The following NSMCE2 variants were observed in gnomAD, a reference collection of about 807,000 sequenced individuals.
The protein encoded by NSMCE2 is NSE2 SUMO ligase component of SMC5/6 complex, also known as E3 SUMO-protein ligase NSE2.
A neutral mutation model predicts 23.8 loss-of-function variants in NSMCE2; 24 were observed. The observed-to-expected ratio is 1.01, with a 90% CI of 0.73 to 1.42. The LOEUF is 1.42. Among genes scored for constraint, NSMCE2 ranks in the 40% most tolerant of loss-of-function variants. The pLI is 0.00. For missense variants in NSMCE2, 284 were observed against 296.5 expected (o/e 0.96, Z 0.31); for synonymous variants, 92 against 94.1 (o/e 0.98, Z 0.13).
At chr8:125,144,551 A>G (rs578202785) in intron 3 of NSMCE2, among the ~76,000 whole-genome samples, 2 of 152,330 alleles carry the variant, frequency 1.3e-5, no homozygotes, top group East Asian at 3.9e-4. Context: ...CCGTATTGCT[A>G]CAGGCTTACT....
At chr8:125,092,716 C>G (rs1320291070) in intron 1 of NSMCE2, among the ~76,000 whole-genome samples, 2 of 152,212 alleles carry the variant, frequency 1.3e-5, no homozygotes, top group Admixed American at 6.5e-5. Flanking sequence ...CTATAAATAA[C>G]ATGCAGAGAA....
chr8:125,277,972 A>G (rs1380029982), intron 5 of NSMCE2, among the ~76,000 whole-genome samples: 1 of 152,160 alleles, frequency 6.6e-6, no homozygotes, highest in Non-Finnish European at 1.5e-5. Context: ...ATTGGGTATA[A>G]ATACAACTTT....
At chr8:125,215,870 C>G (rs1824558853) in intron 5 of NSMCE2, among the ~76,000 whole-genome samples, 1 of 152,128 alleles carries the variant, frequency 6.6e-6, no homozygotes, top group Non-Finnish European at 1.5e-5. Context: ...ATCACTTGAA[C>G]CCAGGAGTTC....
At chr8:125,228,796 G>C (rs899254938) in intron 5 of NSMCE2, among the ~76,000 whole-genome samples, 1 of 152,140 alleles carries the variant, frequency 6.6e-6, no homozygotes, top group African/African-American at 2.4e-5. Context: ...TCTGTGCTAA[G>C]CTCCTTCTCA....
At chr8:125,103,554 C>G (rs1818306773) in intron 3 of NSMCE2, among the ~76,000 whole-genome samples, 1 of 152,050 alleles carries the variant, frequency 6.6e-6, no homozygotes, top group South Asian at 2.1e-4. Flanking sequence ...ACTATTTCTT[C>G]AAATATATTT....
intron 5 of NSMCE2, among the ~76,000 whole-genome samples, chr8:125,251,845 A>G (rs1826209354): frequency 6.6e-6 from 1 of 152,222 alleles, no homozygotes; most frequent in African/African-American, 2.4e-5. Context: ...ATTTGAACCT[A>G]GACCTGTAAT....
intron 3 of NSMCE2, among the ~76,000 whole-genome samples, chr8:125,103,033 C>G (rs191218559): frequency 6.6e-6 from 1 of 152,020 alleles, no homozygotes; most frequent in Non-Finnish European, 1.5e-5. Flanking sequence ...TTTGGGAGGC[C>G]GAGGCCGGCA....
intron 5 of NSMCE2, among the ~76,000 whole-genome samples, chr8:125,256,248 A>C (rs1826403994): frequency 6.7e-6 from 1 of 149,310 alleles, no homozygotes. Flanking sequence ...GCACCACTGC[A>C]CTCCAGCTTG....
intron 5 of NSMCE2, among the ~76,000 whole-genome samples, chr8:125,226,152 G>A (rs939895608): frequency 1.3e-5 from 2 of 152,168 alleles, no homozygotes; most frequent in Admixed American, 6.5e-5. Context: ...ATATTAAACT[G>A]ACATTGGGCA....
At chr8:125,313,240 G>GAAAGAAAGA (rs1248437171) in intron 5 of NSMCE2, among the ~76,000 whole-genome samples, 2 of 149,726 alleles carry the variant, frequency 1.3e-5, no homozygotes, top group Non-Finnish European at 3.0e-5. Context: ...AAGAAAGAAA[G>GAAAGAAAGA]AAAGAAAAGA....
intron 3 of NSMCE2, among the ~76,000 whole-genome samples, chr8:125,111,965 AGTTGAGTCG>A (rs1478970545): frequency 1.3e-5 from 2 of 152,180 alleles, no homozygotes; most frequent in Non-Finnish European, 2.9e-5. Context: ...TTAGGAGTCT[AGTTGAGTCG>A]GGGAGATTTC....
intron 5 of NSMCE2, among the ~76,000 whole-genome samples, chr8:125,225,569 A>G (rs1450741605): frequency 2.0e-5 from 3 of 152,202 alleles, no homozygotes; most frequent in Non-Finnish European, 4.4e-5. Flanking sequence ...TCAAAGTCTA[A>G]GGGTACAGTG....
chr8:125,309,210 T>A (rs922350031), intron 5 of NSMCE2, among the ~76,000 whole-genome samples: 58 of 140,376 alleles, frequency 4.1e-4, no homozygotes, highest in Non-Finnish European at 8.1e-4. Flanking sequence ...ATCACGCCAT[T>A]CAACTCCAGC....
At chr8:125,269,432 G>A (rs1049938715) in intron 5 of NSMCE2, among the ~76,000 whole-genome samples, 1 of 152,078 alleles carries the variant, frequency 6.6e-6, no homozygotes, top group Non-Finnish European at 1.5e-5. Flanking sequence ...TGGCTGATTT[G>A]GTCTTTGAAA....
chr8:125,346,240 T>G (rs1180389432), intron 5 of NSMCE2, among the ~76,000 whole-genome samples: 2 of 152,038 alleles, frequency 1.3e-5, no homozygotes, highest in Non-Finnish European at 2.9e-5. Flanking sequence ...GGCAGAGAGC[T>G]GAATAAAGAA....
At chr8:125,197,540 C>T (rs1198090423) in intron 5 of NSMCE2, among the ~76,000 whole-genome samples, 2 of 152,146 alleles carry the variant, frequency 1.3e-5, no homozygotes, top group Non-Finnish European at 2.9e-5. Flanking sequence ...GGCCTCTGTT[C>T]TGTTCCATTG....
chr8:125,135,274 T>C (rs13273231), intron 3 of NSMCE2, among the ~76,000 whole-genome samples: 10,084 of 152,054 alleles, frequency 0.066, 432 homozygotes, highest in South Asian at 0.15. Flanking sequence ...TGGTCTCAAA[T>C]TCCTGGCCTT....
intron 5 of NSMCE2, among the ~76,000 whole-genome samples, chr8:125,217,296 A>G (rs1245612271): frequency 1.3e-5 from 2 of 152,152 alleles, no homozygotes; most frequent in Non-Finnish European, 2.9e-5. Flanking sequence ...CTAGAGGTCT[A>G]GAGATCTTCA....
At chr8:125,272,145 C>T (rs529521488) in intron 5 of NSMCE2, among the ~76,000 whole-genome samples, 41 of 151,486 alleles carry the variant, frequency 2.7e-4, no homozygotes, top group African/African-American at 9.2e-4. Flanking sequence ...TCCCGAGTAG[C>T]TGGGACTACA....
Sources: allele counts gnomAD v4.1 joint callset (sites outside exome capture counted in the v4.1 genomes callset), GRCh38; gene constraint gnomAD v4.1.1; transcripts MANE v1.5; gene names NCBI Gene and HGNC (gene_info 2026-07-23, HGNC 2026-07-21).